The following CDK14 variants were observed in gnomAD, a reference collection of about 807,000 sequenced individuals.
CDK14 encodes the protein cyclin-dependent kinase 14.
A neutral mutation model predicts 60.7 loss-of-function variants in CDK14; 34 were observed. That is an observed-to-expected ratio of 0.56 (90% CI 0.43 to 0.75). The LOEUF (loss-of-function observed/expected upper bound fraction) is 0.75. CDK14 is among the 30% of genes least tolerant of loss of function. CDK14 has a pLI of 0.00. For synonymous variants in CDK14, 197 were observed against 203.7 expected (o/e 0.97, Z 0.28); for missense variants, 482 against 564.1 (o/e 0.85, Z 1.47).
chr7:90,967,786 G>A (rs1275542323), intron 9 of CDK14, among the ~76,000 whole-genome samples: 1 of 152,166 alleles, frequency 6.6e-6, no homozygotes, highest in African/African-American at 2.4e-5. Context: ...AGTTAGTGAA[G>A]CATTTTCAAC....
intron 8 of CDK14, among the ~76,000 whole-genome samples, chr7:90,937,914 G>A (rs1482263587): frequency 6.6e-6 from 1 of 152,100 alleles, no homozygotes; most frequent in African/African-American, 2.4e-5. Flanking sequence ...TTATAATTTG[G>A]TATATACTCA....
chr7:90,911,668 C>T (rs1158038688), intron 7 of CDK14, among the ~76,000 whole-genome samples: 1 of 152,064 alleles, frequency 6.6e-6, no homozygotes, highest in Admixed American at 6.6e-5. Context: ...AGAAAAAGAG[C>T]ATCTGACCTC....
At chr7:91,104,511 C>G (rs962565662) in intron 12 of CDK14, among the ~76,000 whole-genome samples, 3 of 152,176 alleles carry the variant, frequency 2.0e-5, no homozygotes, top group African/African-American at 7.2e-5. Context: ...TCCCCCTGAC[C>G]TGGCCCTCTC....
At chr7:90,822,925 T>C (rs555018253) in intron 5 of CDK14, among the ~76,000 whole-genome samples, 4 of 152,188 alleles carry the variant, frequency 2.6e-5, no homozygotes, top group Admixed American at 1.3e-4. Flanking sequence ...TGTGTACTTA[T>C]GATTTGTGCT....
At chr7:91,188,649 A>G (rs537476789) in intron 14 of CDK14, among the ~76,000 whole-genome samples, 1 of 152,370 alleles carries the variant, frequency 6.6e-6, no homozygotes, top group African/African-American at 2.4e-5. Flanking sequence ...GTTTTAAATA[A>G]TTGCCAAGCC....
intron 2 of CDK14, among the ~76,000 whole-genome samples, chr7:90,687,847 C>T (rs565222013): frequency 6.6e-6 from 1 of 152,132 alleles, no homozygotes; most frequent in East Asian, 1.9e-4. Context: ...TTCTGAGGTA[C>T]CCTGATAAAT....
At chr7:91,023,053 G>A (rs1159610375) in intron 10 of CDK14, among the ~76,000 whole-genome samples, 2 of 150,974 alleles carry the variant, frequency 1.3e-5, no homozygotes, top group African/African-American at 4.9e-5. Flanking sequence ...TGAATCCTTT[G>A]AAAGTACTAA....
At chr7:90,773,809 T>G (rs1442254970) in intron 4 of CDK14, among the ~76,000 whole-genome samples, 1 of 151,878 alleles carries the variant, frequency 6.6e-6, no homozygotes, top group East Asian at 1.9e-4. Context: ...AGGTCTTCTC[T>G]TCTCTTCTCT....
intron 7 of CDK14, among the ~76,000 whole-genome samples, chr7:90,899,836 G>A (rs1000757448): frequency 2.0e-4 from 31 of 151,942 alleles, no homozygotes; most frequent in Admixed American, 1.3e-4. Context: ...TATTACTACC[G>A]AGTATCAAAA....
At position 90,895,068 on chromosome 7, in the gene CDK14, T is replaced by C. The variant is rs564335320; in HGVS notation, c.640-4223T>C. On this transcript the variant is annotated intron_variant, in intron 6 of 14. Coordinates refer to ENST00000380050, the MANE Select transcript of CDK14 (RefSeq NM_001287135.2). ...AAAGAAGAAGTAGGAAGCATTCTTA[T>C]CTTTTTCTGTACTCTGGAATAACTT... 3.9e-5 allele frequency among the ~76,000 whole-genome samples: 6 copies of C among 152,262 alleles called. No homozygotes were observed. The East Asian group carries it at 9.7e-4, about 25-fold the overall frequency.
intron 14 of CDK14, among the ~76,000 whole-genome samples, chr7:91,205,222 A>G (rs1279643652): frequency 6.6e-6 from 1 of 152,234 alleles, no homozygotes; most frequent in Non-Finnish European, 1.5e-5. Flanking sequence ...GTGTTTAAAC[A>G]AATACTTATA....
chr7:91,080,295 C>T (rs932868406), intron 12 of CDK14, among the ~76,000 whole-genome samples: 1 of 152,044 alleles, frequency 6.6e-6, no homozygotes, highest in Admixed American at 6.6e-5. Context: ...AAAAAAATAA[C>T]AAAAAACTTT....
rs1266424226 is a variant in CDK14, at chr7:90,747,023, G to C, written c.370-658G>C. ...TTCAGCTTTGTCAGCCATATGATCTGTATTGGAACTACAGCTGTGTTGTAG... is the reference window on the plus strand; with the variant it reads ...TTCAGCTTTGTCAGCCATATGATCTCTATTGGAACTACAGCTGTGTTGTAG... On this transcript the variant is annotated intron_variant, in intron 3 of 14. Coordinates refer to ENST00000380050, the MANE Select transcript of CDK14 (RefSeq NM_001287135.2). Among the ~76,000 whole-genome samples, 4 of 152,166 alleles carry C rather than the reference G, an allele frequency of 2.6e-5. No individual in the cohort carries two copies. The South Asian group carries it at 6.2e-4, about 24-fold the overall frequency.
chr7:90,788,097 G>A (rs146169835), intron 4 of CDK14, among the ~76,000 whole-genome samples: 236 of 152,256 alleles, frequency 1.6e-3, no homozygotes, highest in Non-Finnish European at 2.9e-3. Context: ...TTCACAATAC[G>A]TGATATATAA....
chr7:91,031,007 G>A (rs149861167), intron 10 of CDK14, among the ~76,000 whole-genome samples: 2 of 152,216 alleles, frequency 1.3e-5, no homozygotes, highest in African/African-American at 2.4e-5. Flanking sequence ...CATCAGGAAG[G>A]CTGTTGTACC....
chr7:90,739,706 C>G (rs1803267739), intron 3 of CDK14, among the ~76,000 whole-genome samples: 1 of 152,098 alleles, frequency 6.6e-6, no homozygotes, highest in Non-Finnish European at 1.5e-5. Context: ...TTTTCTTTAA[C>G]TTAGATTGCA....
At chr7:90,783,712 C>T (rs1209885311) in intron 4 of CDK14, among the ~76,000 whole-genome samples, 1 of 152,064 alleles carries the variant, frequency 6.6e-6, no homozygotes, top group East Asian at 1.9e-4. Flanking sequence ...AAATACAAAT[C>T]AAAACCATAG....
chr7:91,200,035 C>T (rs567699300), intron 14 of CDK14, among the ~76,000 whole-genome samples: 1 of 152,134 alleles, frequency 6.6e-6, no homozygotes, highest in Non-Finnish European at 1.5e-5. Flanking sequence ...ACTCCTACCC[C>T]CTTCTCAAGG....
intron 11 of CDK14, among the ~76,000 whole-genome samples, chr7:91,072,610 G>A (rs751646835): frequency 9.2e-5 from 14 of 152,104 alleles, no homozygotes; most frequent in Non-Finnish European, 1.9e-4. Context: ...AGGCCAGAGT[G>A]CCTCTACTCC....
Sources: gnomAD v4.1 joint callset for allele counts (sites outside exome capture counted in the v4.1 genomes callset) on GRCh38, gnomAD v4.1.1 for gene constraint, MANE v1.5 for transcripts, NCBI Gene and HGNC (gene_info 2026-07-23, HGNC 2026-07-21) for gene names.